THSD7B: variants seen among roughly 807,000 people sequenced by gnomAD.
THSD7B encodes the protein thrombospondin type 1 domain containing 7B, also known as thrombospondin type-1 domain-containing protein 7B.
Under a neutral mutation model 213.6 loss-of-function variants are expected in THSD7B, and 138 were observed. The ratio of observed to expected loss-of-function variants is 0.65; its 90% CI spans 0.56 to 0.74. The LOEUF is 0.74. THSD7B is among the 30% of genes least tolerant of loss of function. The pLI, the probability that THSD7B is intolerant of heterozygous loss-of-function variation, is 0.00. For missense variants in THSD7B, 1,931 were observed against 1,991.5 expected (o/e 0.97, Z 0.58); for synonymous variants, 742 against 687.0 (o/e 1.08, Z -1.25).
intron 24 of THSD7B, 43 bp from the exon 25 acceptor site, chr2:137,659,621 C>G: frequency 6.5e-7 from 1 of 1,532,242 alleles, no homozygotes; most frequent in Non-Finnish European, 8.8e-7. Context: ...TTAGAAATAT[C>G]TAATAGAGAA....
At chr2:137,202,441 C>T (rs1430323776) in intron 7 of THSD7B, among the ~76,000 whole-genome samples, 2 of 151,970 alleles carry the variant, frequency 1.3e-5, no homozygotes, top group East Asian at 1.9e-4. Flanking sequence ...GAGGAGATGG[C>T]GAGGTGAAAA....
intron 21 of THSD7B, among the ~76,000 whole-genome samples, chr2:137,653,656 C>T (rs765346502): frequency 6.6e-6 from 1 of 150,392 alleles, no homozygotes; most frequent in Non-Finnish European, 1.5e-5. Flanking sequence ...TTTCAGATAA[C>T]CTGTCTTTGA....
At position 136,828,530 on chromosome 2, in the gene THSD7B, ATAT is replaced by A. The variant is rs542408348; in HGVS notation, c.-35-53609_-35-53607del. 2.6e-4 allele frequency among the ~76,000 whole-genome samples: 39 copies of A among 152,286 alleles called. No individual in the cohort carries two copies. The South Asian group carries it at 7.9e-3, about 31-fold the overall frequency. ...AGTTACCAGATATGTACATCTGGCA[ATAT>A]TATTGTTTCAAAATGAAAATTGCTA... On this transcript the variant is annotated intron_variant, in intron 1 of 27. Coordinates refer to ENST00000409968, the MANE Select transcript of THSD7B (RefSeq NM_001316349.2).
intron 12 of THSD7B, among the ~76,000 whole-genome samples, chr2:137,365,743 A>G (rs1393605918): frequency 6.6e-6 from 1 of 152,206 alleles, no homozygotes; most frequent in Non-Finnish European, 1.5e-5. Context: ...AGGAAACAAC[A>G]GATGCTGGAG....
chr2:137,598,835 C>T (rs1166666969), intron 17 of THSD7B, among the ~76,000 whole-genome samples: 1 of 150,092 alleles, frequency 6.7e-6, no homozygotes, highest in East Asian at 2.0e-4. Context: ...CTCTTGTTTT[C>T]TTTCCTCCCT....
At chr2:137,363,276 A>G (rs556674818) in intron 12 of THSD7B, among the ~76,000 whole-genome samples, 140 of 152,344 alleles carry the variant, frequency 9.2e-4, no homozygotes, top group African/African-American at 3.0e-3. Context: ...TGCCCACAAG[A>G]GAAAGCAGGA....
intron 3 of THSD7B, among the ~76,000 whole-genome samples, chr2:137,076,166 C>G (rs914448215): frequency 6.6e-6 from 1 of 152,234 alleles, no homozygotes; most frequent in Non-Finnish European, 1.5e-5. Flanking sequence ...TTTTGTTTGT[C>G]TGTGCCCTGC....
At chr2:136,934,259 T>G (rs1476249283) in intron 2 of THSD7B, among the ~76,000 whole-genome samples, 1 of 152,196 alleles carries the variant, frequency 6.6e-6, no homozygotes, top group Non-Finnish European at 1.5e-5. Context: ...ATAGAGAAAT[T>G]CATTAACTTC....
intron 5 of THSD7B, among the ~76,000 whole-genome samples, chr2:137,138,681 C>G (rs936724559): frequency 4.6e-5 from 7 of 152,112 alleles, no homozygotes; most frequent in African/African-American, 1.7e-4. Flanking sequence ...TTGTTTCTCT[C>G]CTGAGCAACC....
chr2:137,090,165 A>G (rs920213334), intron 3 of THSD7B, among the ~76,000 whole-genome samples: 1 of 152,132 alleles, frequency 6.6e-6, no homozygotes, highest in African/African-American at 2.4e-5. Flanking sequence ...AGGTCTATAC[A>G]TATGAAAGTA....
intron 3 of THSD7B, among the ~76,000 whole-genome samples, chr2:137,068,990 G>A (rs766754557): frequency 2.6e-5 from 4 of 151,964 alleles, no homozygotes; most frequent in South Asian, 2.1e-4. Flanking sequence ...TTTGATAATC[G>A]CCTCAAACGA....
chr2:137,059,537 T>C (rs1687231468), intron 3 of THSD7B, among the ~76,000 whole-genome samples: 1 of 152,092 alleles, frequency 6.6e-6, no homozygotes, highest in Admixed American at 6.5e-5. Context: ...CATCCTTCCC[T>C]CTCTCCCTGA....
At chr2:136,816,301 G>T (rs141674624) in intron 1 of THSD7B, among the ~76,000 whole-genome samples, 110 of 152,324 alleles carry the variant, frequency 7.2e-4, no homozygotes, top group African/African-American at 2.6e-3. Flanking sequence ...CTGGGGATTT[G>T]AGAGGCCTGG....
At chr2:137,017,457 G>A (rs1290708410) in intron 2 of THSD7B, among the ~76,000 whole-genome samples, 1 of 152,116 alleles carries the variant, frequency 6.6e-6, no homozygotes, top group African/African-American at 2.4e-5. Context: ...TGGCTCAAGT[G>A]AGGTTGAAAG....
At position 137,332,862 on chromosome 2, in the gene THSD7B, G is replaced by A. The variant is rs146205018; in HGVS notation, c.2500+56836G>A. Among the ~76,000 whole-genome samples the A allele has an allele frequency of 2.0e-3, 311 of 152,204 alleles. 1 individual carries two copies. The highest frequency in any genetic ancestry group is 6.9e-3 in the African/African-American group (285 of 41,518). On this transcript the variant is annotated intron_variant, in intron 12 of 27. Coordinates refer to ENST00000409968, the MANE Select transcript of THSD7B (RefSeq NM_001316349.2). ...CTGCCATGATTGTAAGTTTCCTGAG[G>A]CCTCCCCTACTATGCTGAACTGTGA...
At chr2:137,046,703 C>T (rs1252988375) in intron 2 of THSD7B, among the ~76,000 whole-genome samples, 1 of 140,650 alleles carries the variant, frequency 7.1e-6, no homozygotes, top group East Asian at 2.1e-4. Flanking sequence ...GCATTCCAGC[C>T]TGGGTGACAA....
At chr2:137,450,143 G>A (rs1687618715) in intron 14 of THSD7B, among the ~76,000 whole-genome samples, 2 of 152,172 alleles carry the variant, frequency 1.3e-5, no homozygotes, top group Non-Finnish European at 2.9e-5. Context: ...ATCTACATTA[G>A]AAGTATATAT....
intron 13 of THSD7B, among the ~76,000 whole-genome samples, chr2:137,406,287 C>T (rs1176271285): frequency 6.6e-6 from 1 of 152,300 alleles, no homozygotes; most frequent in Non-Finnish European, 1.5e-5. Context: ...TACATATACT[C>T]ATTCTGCTTT....
intron 7 of THSD7B, among the ~76,000 whole-genome samples, chr2:137,190,974 C>T (rs778881958): frequency 6.0e-4 from 92 of 152,260 alleles, no homozygotes; most frequent in African/African-American, 2.0e-3. Flanking sequence ...GACTGAGAGA[C>T]GCTGCAATTT....
Sources: allele counts gnomAD v4.1 joint callset (sites outside exome capture counted in the v4.1 genomes callset), GRCh38; gene constraint gnomAD v4.1.1; transcripts MANE v1.5; gene names NCBI Gene and HGNC (gene_info 2026-07-23, HGNC 2026-07-21).